Variants in MAP3K10 observed in about 807,000 individuals in gnomAD.
MAP3K10 encodes the protein mitogen-activated protein kinase kinase kinase 10, also known as MKN28 derived nonreceptor_type serine/threonine kinase.
A neutral mutation model predicts 75.0 loss-of-function variants in MAP3K10; 22 were observed. That is an observed-to-expected ratio of 0.29 (90% CI 0.21 to 0.42). The LOEUF (loss-of-function observed/expected upper bound fraction) is 0.42, where lower values mean the gene tolerates loss of function less well. Among genes scored for constraint, MAP3K10 ranks in the 10% least tolerant of loss-of-function variants. MAP3K10 has a pLI of 1.00. For missense variants in MAP3K10, 1,165 were observed against 1,379.8 expected (o/e 0.84, Z 2.47); for synonymous variants, 599 against 612.9 (o/e 0.98, Z 0.34).
Position 40,212,438 on chromosome 19 carries a change from G to A in MAP3K10, c.1553-367G>A, listed in dbSNP as rs928928887. Among the ~76,000 whole-genome samples the A allele has an allele frequency of 6.6e-6, 1 of 152,186 alleles. No individual in the cohort carries two copies. The highest frequency in any genetic ancestry group is 1.9e-4 in the East Asian group (1 of 5,200). On this transcript the variant is annotated intron_variant, in intron 6 of 9. Transcript: ENST00000253055. The surrounding 1 kb of genome is among the most constrained non-coding windows in gnomAD (Gnocchi z 4.2). ...AACACTGGCACCAGATAGGTCCAGA[G>A]CATTGCAGGTACAGAGATGAAGGCA...
chr19:40,214,002 T>TGCCCCCCCCCCCACCCCCCCCCCCC lies in MAP3K10; in HGVS notation c.2323_2324insGCCCCCCCCCCCACCCCCCCCCCCC (p.Ser775CysfsTer85). 1 of 1,493,670 alleles carries TGCCCCCCCCCCCACCCCCCCCCCCC rather than the reference T, an allele frequency of 6.7e-7. No homozygotes were observed. The highest frequency in any genetic ancestry group is 8.9e-7 in the Non-Finnish European group (1 of 1,123,854). 92.5% of individuals were successfully genotyped at this position (1,493,670 alleles called of 1,614,324 possible). A position where few individuals can be genotyped will look rare whatever the true frequency, so the allele number is the denominator to read the frequency against. ...TGACGAGGCCGCACCGGCCGCGCCC[T>TGCCCCCCCCCCCACCCCCCCCCCCC]CCCCACCACCCTCCCCGCCCGCGCC... On this transcript the variant is annotated frameshift_variant, in exon 9 of 10. Coordinates refer to ENST00000253055, the MANE Select transcript of MAP3K10 (RefSeq NM_002446.4). LOFTEE classifies it high-confidence loss of function.
intron 9 of MAP3K10, 41 bp from the exon 10 acceptor site, chr19:40,214,929 C>T (rs1973322438): frequency 2.2e-6 from 2 of 912,722 alleles, no homozygotes; most frequent in Admixed American, 1.9e-5. Context: ...ATGCCACCCT[C>T]TGCCCCACCC....
At chr19:40,197,267 G>T (rs545479048) in intron 1 of MAP3K10, among the ~76,000 whole-genome samples, 1 of 152,140 alleles carries the variant, frequency 6.6e-6, no homozygotes, top group Non-Finnish European at 1.5e-5. Context: ...GTCATTCTTA[G>T]CCAAAGCAAG....
chr19:40,193,131 A>G (rs1972848739), intron 1 of MAP3K10, among the ~76,000 whole-genome samples: 1 of 152,164 alleles, frequency 6.6e-6, no homozygotes, highest in Non-Finnish European at 1.5e-5. Flanking sequence ...TTGAGGCCAG[A>G]TCATTGTTGT....
Position 40,204,833 on chromosome 19 carries a change from A to AAACAAG in MAP3K10, c.1012+200_1012+201insAACAAG. 1 of 680,152 alleles carries AAACAAG rather than the reference A, an allele frequency of 1.5e-6. No homozygotes were observed. Among genetic ancestry groups the AAACAAG allele is most frequent in the South Asian group, 2.0e-5 (1 of 49,714 alleles). 42.1% of individuals were successfully genotyped at this position (680,152 alleles called of 1,614,324 possible). On this transcript the variant is annotated intron_variant, in intron 3 of 9. Transcript: ENST00000253055. This position sits in a 1 kb window ranked among gnomAD's most constrained non-coding sequence, Gnocchi z 4.3. Reference sequence around the variant, plus strand: ...CCCAGCCCTTGTTTGGGCCAGGCCCAGAGCTCTCAGGACAACCTGTTAGGA... The same window carrying AAACAAG: ...CCCAGCCCTTGTTTGGGCCAGGCCCAAACAAGGAGCTCTCAGGACAACCTGTTAGGA...
In MAP3K10 at chr19:40,192,221, C is replaced by T; in HGVS notation, c.190C>T (p.Pro64Ser). The T allele has an allele frequency of 6.2e-7, 1 of 1,606,436 alleles. No individual in the cohort carries two copies. Among genetic ancestry groups the T allele is most frequent in the South Asian group, 1.1e-5 (1 of 90,368 alleles). The change falls in exon 1 of 10, where the codon CCC becomes TCC. Residue 64 changes from proline to serine, a missense_variant. By Grantham distance (74) the Pro-to-Ser change is moderately conservative. Around this residue, in one of 2 missense-constraint regions of MAP3K10, gnomAD observed 575 missense variants for 793.2 expected, o/e 0.72. Transcript: ENST00000253055. This position sits in a 1 kb window ranked among gnomAD's most constrained non-coding sequence, Gnocchi z 7.1. ...CGAGGGCTGGTGGACCGGGCAGCTC[C>T]CCAGCGGCCGCGTGGGCGTCTTCCC... ...GDEGWWTGQL[P>S]SGRVGVFPSN...
intron 9 of MAP3K10, among the ~76,000 whole-genome samples, chr19:40,214,587 A>G (rs892866202): frequency 2.0e-5 from 3 of 152,120 alleles, no homozygotes; most frequent in Non-Finnish European, 4.4e-5. Flanking sequence ...GCTTGTTTTA[A>G]GTTATGGTTA....
Position 40,214,031 on chromosome 19 carries a change from A to ACCCCCCCCCCCCCCCCCCC in MAP3K10, c.2355_2356insCCCCCCCCCCCCCCCCCCC (p.Thr786ProfsTer72). On this transcript the variant is annotated frameshift_variant, in exon 9 of 10. Coordinates refer to ENST00000253055, the MANE Select transcript of MAP3K10 (RefSeq NM_002446.4). LOFTEE classifies it high-confidence loss of function. ...CACCACCCTCCCCGCCCGCGCCCAC[A>ACCCCCCCCCCCCCCCCCCC]CCCACGCCCTCGCCCAGCACCAACC... 2 of 1,227,550 alleles carry ACCCCCCCCCCCCCCCCCCC rather than the reference A, an allele frequency of 1.6e-6. No homozygotes were observed. The highest frequency in any genetic ancestry group is 1.1e-6 in the Non-Finnish European group (1 of 944,538). The allele number at this position is 1,227,550 out of a possible 1,614,324, so 76.0% of individuals were successfully genotyped here. A position where few individuals can be genotyped will look rare whatever the true frequency, so the allele number is the denominator to read the frequency against.
chr19:40,196,058 A>G (rs555283681), intron 1 of MAP3K10, among the ~76,000 whole-genome samples: 75 of 152,278 alleles, frequency 4.9e-4, no homozygotes, highest in African/African-American at 1.7e-3. Context: ...AATTTTTACT[A>G]TAACGCTAGA....
chr19:40,194,129 C>T (rs903659283), intron 1 of MAP3K10, among the ~76,000 whole-genome samples: 1 of 152,012 alleles, frequency 6.6e-6, no homozygotes, highest in Non-Finnish European at 1.5e-5. Context: ...GGGAGGCCGA[C>T]GTGGGTGCAT....
intron 6 of MAP3K10, among the ~76,000 whole-genome samples, chr19:40,210,246 G>A (rs1283541285): frequency 3.3e-5 from 5 of 152,130 alleles, no homozygotes; most frequent in African/African-American, 4.8e-5. Flanking sequence ...CGGCCTGGGC[G>A]AAAGAGCGAG....
At chr19:40,202,974 T>G (rs1973053887) in intron 2 of MAP3K10, among the ~76,000 whole-genome samples, 1 of 152,136 alleles carries the variant, frequency 6.6e-6, no homozygotes, top group South Asian at 2.1e-4. Flanking sequence ...CAGCTGCATA[T>G]GGGGGCAGTG....
chr19:40,201,029 C>G (rs903809614), intron 2 of MAP3K10, among the ~76,000 whole-genome samples: 7 of 152,076 alleles, frequency 4.6e-5, no homozygotes, highest in African/African-American at 1.7e-4. Context: ...CACAGTAACC[C>G]CATAGGTTTC....
At chr19:40,194,421 T>C (rs1972870485) in intron 1 of MAP3K10, among the ~76,000 whole-genome samples, 1 of 151,186 alleles carries the variant, frequency 6.6e-6, no homozygotes, top group African/African-American at 2.4e-5. Flanking sequence ...GGGGAACTGA[T>C]GCTTATGCCC....
Position 40,208,372 on chromosome 19 carries a change from A to ATTTTTTTTT in MAP3K10, c.1436-726_1436-725insTTTTTTTTT, listed in dbSNP as rs1973173669. On this transcript the variant is annotated intron_variant, in intron 5 of 9. Transcript: ENST00000253055. ...TTTTTTTTTTTTTTTTTTTTTTTGT[A>ATTTTTTTTT]TTTTTAGTAGAGACAGGGTTTCACC... 3.0e-3 allele frequency among the ~76,000 whole-genome samples: 158 copies of ATTTTTTTTT among 52,876 alleles called. 1 individual carries two copies. Among genetic ancestry groups the ATTTTTTTTT allele is most frequent in the South Asian group, 0.014 (19 of 1,374 alleles). The allele number at this position is 52,876 out of a possible 152,430, so 34.7% of individuals were successfully genotyped here.
intron 6 of MAP3K10, among the ~76,000 whole-genome samples, chr19:40,211,827 G>A (rs1311975662): frequency 3.9e-5 from 6 of 152,082 alleles, no homozygotes; most frequent in South Asian, 2.1e-4. Flanking sequence ...AGGTTCAAGC[G>A]ATTCTCCTGC....
intron 5 of MAP3K10, among the ~76,000 whole-genome samples, chr19:40,208,487 C>T (rs12979064): frequency 9.4e-5 from 14 of 149,540 alleles, no homozygotes; most frequent in East Asian, 4.0e-4. Flanking sequence ...TGAGCCACCG[C>T]GCCCAGCCCC....
Position 40,215,067 on chromosome 19 carries a change from C to T in MAP3K10, c.2640C>T (p.Thr880=), listed in dbSNP as rs769133770. 1.2e-6 allele frequency: 2 copies of T among 1,609,702 alleles called. No homozygotes were observed. The highest frequency in any genetic ancestry group is 2.2e-5 in the South Asian group (2 of 90,914). The change falls in exon 10 of 10, where the codon ACC becomes ACT. Residue 880 remains threonine, a synonymous_variant. Transcript: ENST00000253055. ...CTGAGTTCCCAGGCCGCCCCACCAC[C>T]CTGACCTTTGCCCCGAGACCTCGGC... is the stretch of plus-strand genomic sequence containing the variant. ...RPPEFPGRPT[T]LTFAPRPRPA...
In MAP3K10 at chr19:40,205,350, G is replaced by A; in HGVS notation, c.1188+54G>A. 1.3e-6 allele frequency: 2 copies of A among 1,581,772 alleles called. No individual in the cohort carries two copies. The highest frequency in any genetic ancestry group is 1.7e-6 in the Non-Finnish European group (2 of 1,155,202). On this transcript the variant is annotated intron_variant, in intron 4 of 9. Transcript: ENST00000253055. This position sits in a 1 kb window ranked among gnomAD's most constrained non-coding sequence, Gnocchi z 4.3. ...TGGAGCAAGACCCCTGAGTTCTGAT[G>A]CCTTGGGCTGCTCAGAGACTCCTCC...
Sources: gnomAD v4.1 joint callset for allele counts (sites outside exome capture counted in the v4.1 genomes callset) on GRCh38, gnomAD v4.1.1 for gene constraint, gnomAD v4.1.1 regional missense constraint, Gnocchi (gnomAD v3.1) non-coding constraint, MANE v1.5 for transcripts, NCBI Gene and HGNC (gene_info 2026-07-23, HGNC 2026-07-21) for gene names.